VPS16: variants seen among roughly 807,000 people sequenced by gnomAD.
The protein encoded by VPS16 is VPS16 core subunit of CORVET and HOPS complexes, also known as vacuolar protein sorting-associated protein 16 homolog.
VPS16 carries 82 observed loss-of-function variants against 116.0 expected under a neutral mutation model. The ratio of observed to expected loss-of-function variants is 0.71; its 90% confidence interval spans 0.59 to 0.85. The LOEUF is 0.85. Ranked by LOEUF, VPS16 falls within the 40% of genes least tolerant of loss-of-function variation. The pLI is 0.00. For synonymous variants in VPS16, 406 were observed against 420.7 expected, an observed-to-expected ratio of 0.96 and a Z score of 0.43; for missense variants, 928 against 1,090.6, an observed-to-expected ratio of 0.85 and a Z score of 2.10.
intron 1 of VPS16, among the ~76,000 whole-genome samples, chr20:2,841,788 T>G (rs2088977881): frequency 6.6e-6 from 1 of 151,952 alleles, no homozygotes; most frequent in African/African-American, 2.4e-5. Context: ...GACAGAGTCT[T>G]CCTCTGTTGC....
chr20:2,842,817 T>TATAGATAGACATATAGATGTATCTATCG (rs1568620901), intron 1 of VPS16, among the ~76,000 whole-genome samples: 7 of 1,214 alleles, frequency 5.8e-3, no homozygotes, highest in African/African-American at 0.012. Context: ...TGTATCTATC[T>TATAGATAGACATATAGATGTATCTATCG]ATAGATAGAC....
intron 1 of VPS16, among the ~76,000 whole-genome samples, chr20:2,844,419 A>G (rs1315629807): frequency 6.6e-6 from 1 of 152,212 alleles, no homozygotes; most frequent in African/African-American, 2.4e-5. Context: ...ACCAGTTCTT[A>G]TGGGACTCCA....
intron 1 of VPS16, among the ~76,000 whole-genome samples, chr20:2,848,222 C>G (rs557419175): frequency 6.6e-6 from 1 of 152,240 alleles, no homozygotes; most frequent in African/African-American, 2.4e-5. Flanking sequence ...CACAAGGGCT[C>G]TACTTCTATT....
intron 1 of VPS16, among the ~76,000 whole-genome samples, chr20:2,854,266 A>G (rs977089290): frequency 4.8e-5 from 3 of 61,970 alleles, no homozygotes; most frequent in Non-Finnish European, 8.3e-5. Context: ...CACACACACA[A>G]ATTTTTTAGC....
At position 2,864,702 on chromosome 20, in the gene VPS16, G is replaced by A. The variant is rs2089298333; in HGVS notation, c.1926+48G>A. ...GGGGCGTGTGGGGCATGTGGGCTGG[G>A]GCTGTTGGTCCGGTTCCTTCAGGAA... On this transcript the variant is annotated intron_variant, in intron 19 of 23. Transcript: ENST00000380445. This position sits in a 1 kb window ranked among gnomAD's most constrained non-coding sequence, Gnocchi z 5.2. The A allele has an allele frequency of 1.9e-6, 3 of 1,591,664 alleles. No individual in the cohort carries two copies. Among genetic ancestry groups the A allele is most frequent in the Admixed American group, 1.7e-5 (1 of 59,942 alleles).
At chr20:2,842,693 TAG>T (rs1168843628) in intron 1 of VPS16, among the ~76,000 whole-genome samples, 1 of 138,142 alleles carries the variant, frequency 7.2e-6, no homozygotes, top group East Asian at 2.2e-4. Flanking sequence ...TAGATACATC[TAG>T]ATGTATCTAT....
intron 1 of VPS16, among the ~76,000 whole-genome samples, chr20:2,842,788 CTATA>C (rs142518534): frequency 2.4e-5 from 2 of 83,334 alleles, no homozygotes; most frequent in Admixed American, 1.2e-4. Context: ...ATGTATCTAT[CTATA>C]GATAGACATA....
In VPS16 at chr20:2,863,863, A is replaced by G. The variant is rs1256600614; in HGVS notation, c.1477-86A>G. The stretch of plus-strand genomic sequence containing the variant: ...AAGAAGGAAGGGAGGGAGGAAGGGA[A>G]CTGAAGGGGTGGGTCCTAAGGGCTT... On this transcript the variant is annotated intron_variant, in intron 15 of 23. Transcript: ENST00000380445. The surrounding 1 kb of genome is among the most constrained non-coding windows in gnomAD (Gnocchi z 4.4). 5 of 1,527,006 alleles carry G rather than the reference A, an allele frequency of 3.3e-6. No homozygotes were observed. The highest frequency in any genetic ancestry group is 3.6e-6 in the Non-Finnish European group (4 of 1,125,664). 94.6% of individuals were successfully genotyped at this position (1,527,006 alleles called of 1,614,324 possible).
chr20:2,860,690 TAGAAAC>T lies in VPS16; in HGVS notation c.515-51_515-46del, dbSNP rs2146665799. 6.2e-7 allele frequency: 1 copy of T among 1,611,674 alleles called. No individual in the cohort carries two copies. The highest frequency in any genetic ancestry group is 2.2e-5 in the East Asian group (1 of 44,840). On this transcript the variant is annotated intron_variant, in intron 5 of 23. Coordinates refer to ENST00000380445, the MANE Select transcript of VPS16 (RefSeq NM_022575.4). The surrounding 1 kb of genome is among the most constrained non-coding windows in gnomAD (Gnocchi z 6.1). The stretch of plus-strand genomic sequence containing the variant: ...AACAGAAGCTGTGGCTAGAGACCCA[TAGAAAC>T]AGAAACGGTGGGCCTTGGTCATCCT...
chr20:2,861,753 C>A (rs370601941), intron 9 of VPS16, 49 bp downstream of exon 9: 1 of 1,610,284 alleles, frequency 6.2e-7, no homozygotes, highest in Non-Finnish European at 8.5e-7. Flanking sequence ...GGGGAGGGTT[C>A]ACCTGCCCCG....
chr20:2,847,210 G>A (rs1165554187), intron 1 of VPS16, among the ~76,000 whole-genome samples: 1 of 152,110 alleles, frequency 6.6e-6, no homozygotes, highest in Non-Finnish European at 1.5e-5. Flanking sequence ...GGGGTCCATT[G>A]TGTCTCCTTC....
At position 2,861,854 on chromosome 20, in the gene VPS16, C is replaced by T. The variant is rs776754304; in HGVS notation, c.949C>T (p.Arg317Cys). 8.7e-6 allele frequency: 14 copies of T among 1,613,806 alleles called. No individual in the cohort carries two copies. In the Admixed American group the frequency reaches 1.7e-4, roughly 19 times the overall value. ...CCTGGTGCCTGAGCTCGATGGGGTC[C>T]GCATCTTCTCCCGCAGCACCCACGA... is the stretch of plus-strand genomic sequence containing the variant. ...SYLVPELDGV[R>C]IFSRSTHEFL... Residue 317 changes from arginine (R) to cysteine (C), a missense_variant, in exon 10 of 24, where the codon CGC (arginine) becomes TGC (cysteine). Physicochemically the swap from Arg to Cys is radical, Grantham distance 180 (BLOSUM62 -3). Coordinates refer to ENST00000380445, the MANE Select transcript of VPS16 (RefSeq NM_022575.4).
At chr20:2,845,646 C>T (rs2089051733) in intron 1 of VPS16, among the ~76,000 whole-genome samples, 2 of 151,646 alleles carry the variant, frequency 1.3e-5, no homozygotes, top group South Asian at 4.2e-4. Flanking sequence ...AAAATTTACT[C>T]TCTTAACCAT....
chr20:2,863,551 T>G lies in VPS16; in HGVS notation c.1476+153T>G, dbSNP rs2089268914. Among the ~76,000 whole-genome samples, 1 of 151,420 alleles carries G rather than the reference T, an allele frequency of 6.6e-6. No individual in the cohort carries two copies. Reference sequence around the variant, plus strand: ...GCTGAGGCGGGCGAATCACCTGAGGTCAGGTATTCGAGACTAGCCTGGCTA... The same window carrying G: ...GCTGAGGCGGGCGAATCACCTGAGGGCAGGTATTCGAGACTAGCCTGGCTA... On this transcript the variant is annotated intron_variant, in intron 15 of 23. Transcript: ENST00000380445. The surrounding 1 kb of genome is among the most constrained non-coding windows in gnomAD (Gnocchi z 4.4).
At chr20:2,858,452 C>A (rs1266101483) in intron 1 of VPS16, among the ~76,000 whole-genome samples, 1 of 152,090 alleles carries the variant, frequency 6.6e-6, no homozygotes, top group African/African-American at 2.4e-5. Flanking sequence ...CAAATAGAAA[C>A]AACTCTGCTC....
chr20:2,858,424 A>T (rs2089196191), intron 1 of VPS16, among the ~76,000 whole-genome samples: 1 of 152,206 alleles, frequency 6.6e-6, no homozygotes, highest in Non-Finnish European at 1.5e-5. Flanking sequence ...TTTTCTAAGT[A>T]GACAATCACA....
chr20:2,860,574 C>G lies in VPS16; in HGVS notation c.495C>G (p.Arg165=). The G allele has an allele frequency of 6.2e-7, 1 of 1,613,848 alleles. No individual in the cohort carries two copies. The highest frequency in any genetic ancestry group is 1.1e-5 in the South Asian group (1 of 91,080). ...LSANVGDLKL[R]RMPEVPGLQS... ...CCAATGTGGGTGACCTCAAACTCCG[C>G]CGGATGCCAGAGGTGCCAGGTAAGC... is the stretch of plus-strand genomic sequence containing the variant. The change falls in exon 5 of 24, where the codon CGC becomes CGG. Residue 165 remains arginine (R), a synonymous_variant. Transcript: ENST00000380445. This position sits in a 1 kb window ranked among gnomAD's most constrained non-coding sequence, Gnocchi z 6.1.
chr20:2,844,938 T>C (rs2089043363), intron 1 of VPS16, among the ~76,000 whole-genome samples: 2 of 151,934 alleles, frequency 1.3e-5, no homozygotes, highest in African/African-American at 4.8e-5. Context: ...ATCACCGTTA[T>C]CTGAAGAACG....
At chr20:2,853,883 G>T (rs1305209591) in intron 1 of VPS16, among the ~76,000 whole-genome samples, 4 of 151,918 alleles carry the variant, frequency 2.6e-5, no homozygotes, top group Admixed American at 2.6e-4. Context: ...GTGTTGGCCA[G>T]GCTGGTCTTG....
Sources: allele counts gnomAD v4.1 joint callset (sites outside exome capture counted in the v4.1 genomes callset), GRCh38; gene constraint gnomAD v4.1.1; non-coding constraint Gnocchi (gnomAD v3.1); transcripts MANE v1.5; gene names NCBI Gene and HGNC (gene_info 2026-07-23, HGNC 2026-07-21).